The following HTR2B variants were observed in gnomAD, a reference collection of about 807,000 sequenced individuals.
HTR2B encodes 5-hydroxytryptamine receptor 2B, also known as 5-HT 2B receptor.
HTR2B carries 31 observed loss-of-function variants against 39.8 expected under a neutral mutation model. The observed-to-expected ratio is 0.78, with a 90% CI of 0.58 to 1.05. The LOEUF (loss-of-function observed/expected upper bound fraction) is 1.05, where lower values mean the gene tolerates loss of function less well. Ranked by LOEUF, HTR2B falls within the 50% of genes least tolerant of loss-of-function variation. The pLI is 0.00. For missense variants in HTR2B, 562 were observed against 578.0 expected, an observed-to-expected ratio of 0.97 and a Z score of 0.28; for synonymous variants, 210 against 207.1, an observed-to-expected ratio of 1.01 and a Z score of -0.12.
Position 231,108,592 on chromosome 2 carries a change from T to C in HTR2B, c.1371A>G (p.Ser457=). The C allele has an allele frequency of 6.2e-7, 1 of 1,613,990 alleles. No individual in the cohort carries two copies. Among genetic ancestry groups the C allele is most frequent in the Non-Finnish European group, 8.5e-7 (1 of 1,179,920 alleles). The change falls in exon 4 of 4, where the codon TCA becomes TCG. Residue 457 remains serine, a synonymous_variant. Transcript: ENST00000258400. ...GGAGAAGCGTATCTAGTAGAATGAT[T>C]GATGAAGACTGAATGGTTGAACTTC... is the stretch of plus-strand genomic sequence containing the variant. The part of the protein sequence containing the change: ...RLRSSTIQSS[S]IILLDTLLLT...
chr2:231,111,393 C>T (rs1200985233), intron 3 of HTR2B, among the ~76,000 whole-genome samples: 1 of 152,166 alleles, frequency 6.6e-6, no homozygotes, highest in Non-Finnish European at 1.5e-5. Context: ...AATGAGACTT[C>T]ATTCATCTCA....
chr2:231,124,030 G>A lies in HTR2B; in HGVS notation c.-266C>T. 2.4e-6 allele frequency: 1 copy of A among 422,268 alleles called. No homozygotes were observed. Among genetic ancestry groups the A allele is most frequent in the Non-Finnish European group, 4.4e-6 (1 of 229,194 alleles). The allele number at this position is 422,268 out of a possible 1,614,324, so 26.2% of individuals were successfully genotyped here. ...AGCTCAGTGAAAGAAACTGATAGCT[G>A]TGAAAAAAATAGGATATATATATAT... On this transcript the variant is annotated 5_prime_UTR_variant, in exon 2 of 4. Transcript: ENST00000258400.
rs55802320 is a variant in HTR2B, at chr2:231,123,990, G to T, written c.-226C>A. The stretch of plus-strand genomic sequence containing the variant: ...TCCAAGTATTTATTATTTTCTAGAG[G>T]CTTAAATTTAGGAAAGCTCAGTGAA... On this transcript the variant is annotated 5_prime_UTR_variant, in exon 2 of 4. Transcript: ENST00000258400. The T allele has an allele frequency of 2.8e-3, 1,418 of 504,390 alleles. No individual in the cohort carries two copies. The highest frequency in any genetic ancestry group is 4.0e-3 in the Non-Finnish European group (1,121 of 280,012). The allele number at this position is 504,390 out of a possible 1,614,324, so 31.2% of individuals were successfully genotyped here.
In HTR2B at chr2:231,108,570, G is replaced by A; in HGVS notation, c.1393C>T (p.Leu465Phe). 1 of 1,613,962 alleles carries A rather than the reference G, an allele frequency of 6.2e-7. No homozygotes were observed. The highest frequency in any genetic ancestry group is 2.2e-5 in the East Asian group (1 of 44,840). The part of the protein sequence containing the change: ...SSSIILLDTL[L>F]LTENEGDKTE... ...TTGTCACCTTCATTTTCAGTGAGGA[G>A]AAGCGTATCTAGTAGAATGATTGAT... The change falls in exon 4 of 4, where the codon CTC (leucine) becomes TTC (phenylalanine). Residue 465 changes from leucine (L) to phenylalanine (F), a missense_variant. Coordinates refer to ENST00000258400, the MANE Select transcript of HTR2B (RefSeq NM_000867.5).
intron 2 of HTR2B, among the ~76,000 whole-genome samples, chr2:231,114,665 ACT>A (rs1695271593): frequency 6.6e-6 from 1 of 152,092 alleles, no homozygotes. Context: ...TATTTAACAA[ACT>A]CTTATAAAAC....
chr2:231,119,730 G>A (rs955228709), intron 2 of HTR2B, among the ~76,000 whole-genome samples: 1 of 151,990 alleles, frequency 6.6e-6, no homozygotes, highest in Non-Finnish European at 1.5e-5. Context: ...ACTTAGCCAG[G>A]TGTGGTGGCC....
rs745877970 is a variant in HTR2B at position 231,123,752 on chromosome 2, AAG to A, written c.11_12del (p.Ser4LeufsTer5). 5 of 1,613,500 alleles carry A rather than the reference AAG, an allele frequency of 3.1e-6. No individual in the cohort carries two copies. The highest frequency in any genetic ancestry group is 1.1e-5 in the South Asian group (1 of 91,072). MAL[S>X]YRVSELQSTI... ...GTGCTTTGAAGTTCAGACACTCTGT[AAG>A]AGAGAGCCATTTGCTGTTTTTCTGT... On this transcript the variant is annotated frameshift_variant, in exon 2 of 4. Transcript: ENST00000258400. LOFTEE classifies it high-confidence loss of function.
Position 231,109,364 on chromosome 2 carries a change from T to A in HTR2B, c.599A>T (p.Asp200Val). The change falls in exon 4 of 4, where the codon GAC becomes GTC. Residue 200 changes from aspartate to valine, a missense_variant. Coordinates refer to ENST00000258400, the MANE Select transcript of HTR2B (RefSeq NM_000867.5). ...CACACAAGTGATATTGTTTGGGTTG[T>A]CCACATCAGTCTCTATCCCTTTAAT... ...VPIKGIETDV[D>V]NPNNITCVLT... 4 of 1,614,142 alleles carry A rather than the reference T, an allele frequency of 2.5e-6. No individual in the cohort carries two copies. The highest frequency in any genetic ancestry group is 3.4e-6 in the Non-Finnish European group (4 of 1,179,992).
At chr2:231,115,030 T>C (rs1423135146) in intron 2 of HTR2B, among the ~76,000 whole-genome samples, 1 of 152,174 alleles carries the variant, frequency 6.6e-6, no homozygotes, top group Non-Finnish European at 1.5e-5. Context: ...CTTCTGGCTA[T>C]TGCAGGTATA....
At chr2:231,112,545 C>T (rs1695187058) in intron 3 of HTR2B, among the ~76,000 whole-genome samples, 1 of 152,140 alleles carries the variant, frequency 6.6e-6, no homozygotes, top group Non-Finnish European at 1.5e-5. Context: ...GCTGTTTTTG[C>T]CCCAGTGCCC....
chr2:231,109,103 G>A lies in HTR2B; in HGVS notation c.860C>T (p.Ser287Phe), dbSNP rs759094819. Residue 287 changes from serine (S) to phenylalanine (F), a missense_variant, in exon 4 of 4, where the codon TCT (serine) becomes TTT (phenylalanine). Transcript: ENST00000258400. ...GTTGGGCAGAGCCTTGTCCTTTCGA[G>A]AACCATCCAGCATTGCCACCTTTTC... is the stretch of plus-strand genomic sequence containing the variant. ...SPEKVAMLDG[S>F]RKDKALPNSG... 10 of 1,614,054 alleles carry A rather than the reference G, an allele frequency of 6.2e-6. No individual in the cohort carries two copies. Among genetic ancestry groups the A allele is most frequent in the Non-Finnish European group, 8.5e-6 (10 of 1,180,008 alleles).
rs1171290004 is a variant in HTR2B at position 231,109,277 on chromosome 2, G to A, written c.686C>T (p.Pro229Leu). 6.2e-7 allele frequency: 1 copy of A among 1,614,142 alleles called. No homozygotes were observed. ...LFGSLAAFFT[P>L]LAIMIVTYFL... Reference sequence around the variant, plus strand: ...GTAGGTGACAATCATAATTGCAAGAGGTGTGAAGAAGGCAGCCAGTGAGCC... The same window carrying A: ...GTAGGTGACAATCATAATTGCAAGAAGTGTGAAGAAGGCAGCCAGTGAGCC... The change falls in exon 4 of 4, where the codon CCT (proline) becomes CTT (leucine). Residue 229 changes from proline (P) to leucine (L), a missense_variant. Transcript: ENST00000258400.
intron 2 of HTR2B, among the ~76,000 whole-genome samples, chr2:231,115,754 T>C (rs904206668): frequency 1.3e-5 from 2 of 152,136 alleles, no homozygotes; most frequent in African/African-American, 2.4e-5. Flanking sequence ...GTAAATGTTA[T>C]CTGAAAGTGT....
At chr2:231,109,464 G>C (rs1024019911) in intron 3 of HTR2B, 55 bp from the exon 4 acceptor site, 4 of 1,423,496 alleles carry the variant, frequency 2.8e-6, no homozygotes, top group Non-Finnish European at 4.0e-6. Context: ...GTAACTCTTC[G>C]ATTAGATCCT....
intron 3 of HTR2B, among the ~76,000 whole-genome samples, chr2:231,111,491 T>C (rs1403493698): frequency 6.6e-6 from 1 of 152,238 alleles, no homozygotes; most frequent in Non-Finnish European, 1.5e-5. Flanking sequence ...ACTGGTACTT[T>C]TTATGCCCTT....
At chr2:231,117,031 T>A (rs1276290423) in intron 2 of HTR2B, among the ~76,000 whole-genome samples, 2 of 152,038 alleles carry the variant, frequency 1.3e-5, no homozygotes, top group East Asian at 3.8e-4. Context: ...TTATAGAAAT[T>A]AAAAACAGTT....
In HTR2B at chr2:231,109,198, T is replaced by A. The variant is rs752848927; in HGVS notation, c.765A>T (p.Pro255=). ...CAGTCAACCATGTTAGGCGTTGAGG[T>A]GGCTTGTTTTTGACTAAGTAAGCCT... ...QKKAYLVKNK[P]PQRLTWLTVS... The change falls in exon 4 of 4, where the codon CCA becomes CCT. Residue 255 remains proline (P), a synonymous_variant. Transcript: ENST00000258400. The A allele has an allele frequency of 2.5e-6, 4 of 1,614,068 alleles. No individual in the cohort carries two copies. In the African/African-American group the frequency reaches 5.3e-5, roughly 22 times the overall value.
intron 2 of HTR2B, among the ~76,000 whole-genome samples, chr2:231,122,051 A>T (rs994567543): frequency 6.6e-6 from 1 of 152,138 alleles, no homozygotes; most frequent in African/African-American, 2.4e-5. Flanking sequence ...TATGTTCTCT[A>T]TTATAGTAAG....
chr2:231,115,362 G>A (rs1282886156), intron 2 of HTR2B, among the ~76,000 whole-genome samples: 6 of 152,222 alleles, frequency 3.9e-5, no homozygotes, highest in Non-Finnish European at 8.8e-5. Context: ...ACTTTTTGGT[G>A]CCTTCTGTTT....
Sources: allele counts gnomAD v4.1 joint callset (sites outside exome capture counted in the v4.1 genomes callset), GRCh38; gene constraint gnomAD v4.1.1; transcripts MANE v1.5; gene names NCBI Gene and HGNC (gene_info 2026-07-23, HGNC 2026-07-21).